KATNAL2: variants seen among roughly 807,000 people sequenced by gnomAD.
KATNAL2 encodes katanin catalytic subunit A1 like 2.
KATNAL2 carries 52 observed loss-of-function variants against 76.3 expected under a neutral mutation model. That is an observed-to-expected ratio of 0.68 (90% CI 0.55 to 0.86). KATNAL2 has a LOEUF of 0.86. Among genes scored for constraint, KATNAL2 ranks in the 40% least tolerant of loss-of-function variants. The pLI, the probability that KATNAL2 is intolerant of heterozygous loss-of-function variation, is 0.00. For synonymous variants in KATNAL2, 243 were observed against 244.2 expected, an observed-to-expected ratio of 1.00 and a Z score of 0.05; for missense variants, 660 against 668.9, an observed-to-expected ratio of 0.99 and a Z score of 0.15.
chr18:47,044,733 C>T (rs574244795), intron 3 of KATNAL2, among the ~76,000 whole-genome samples: 80 of 145,230 alleles, frequency 5.5e-4, no homozygotes, highest in African/African-American at 2.0e-3. Context: ...TGCATTCCAA[C>T]CTGGGCAACA....
intron 1 of KATNAL2, among the ~76,000 whole-genome samples, chr18:46,942,084 G>A (rs1341063138): frequency 1.3e-5 from 2 of 152,068 alleles, no homozygotes; most frequent in Admixed American, 6.6e-5. Context: ...AGGTGGAGTA[G>A]GTAATCGAAA....
At chr18:47,056,322 G>T (rs1289110255) in intron 6 of KATNAL2, among the ~76,000 whole-genome samples, 1 of 152,206 alleles carries the variant, frequency 6.6e-6, no homozygotes, top group Non-Finnish European at 1.5e-5. Context: ...TGCTACTGTG[G>T]TCCCAGCCCC....
At chr18:46,927,819 C>T (rs2058775500) in intron 1 of KATNAL2, among the ~76,000 whole-genome samples, 1 of 152,160 alleles carries the variant, frequency 6.6e-6, no homozygotes, top group Admixed American at 6.6e-5. Flanking sequence ...TCTCTTCTCG[C>T]TTCATTTCAT....
At chr18:46,948,489 ATC>A (rs2059449902) in intron 3 of KATNAL2, among the ~76,000 whole-genome samples, 1 of 137,564 alleles carries the variant, frequency 7.3e-6, no homozygotes, top group Non-Finnish European at 1.5e-5. Flanking sequence ...CAATGGTGTG[ATC>A]TTGGCTCACC....
At chr18:46,938,634 C>T (rs2059158272) in intron 1 of KATNAL2, among the ~76,000 whole-genome samples, 1 of 152,138 alleles carries the variant, frequency 6.6e-6, no homozygotes, top group Admixed American at 6.5e-5. Flanking sequence ...ATCTTATCTC[C>T]TTGCTTTCTC....
In KATNAL2 at chr18:46,946,193, T is replaced by C; in HGVS notation, c.-373T>C. The C allele has an allele frequency of 9.8e-7, 1 of 1,025,034 alleles. No homozygotes were observed. Among genetic ancestry groups the C allele is most frequent in the Non-Finnish European group, 1.2e-6 (1 of 851,474 alleles). 63.5% of individuals were successfully genotyped at this position (1,025,034 alleles called of 1,614,324 possible). A position where few individuals can be genotyped will look rare whatever the true frequency, so the allele number is the denominator to read the frequency against. ...GCAAGAGAGACAGAAGGGAAAGACATTGAAGAAACAGACTAGTTAACACAT... is the reference window on the plus strand; with the variant it reads ...GCAAGAGAGACAGAAGGGAAAGACACTGAAGAAACAGACTAGTTAACACAT... On this transcript the variant is annotated 5_prime_UTR_variant, in exon 2 of 18. Coordinates refer to ENST00000683218, the MANE Select transcript of KATNAL2 (RefSeq NM_001387690.1).
At chr18:47,067,168 G>A (rs769271067) in intron 11 of KATNAL2, 49 bp downstream of exon 11, 8 of 917,784 alleles carry the variant, frequency 8.7e-6, no homozygotes, top group Non-Finnish European at 1.4e-5. Flanking sequence ...CTATCCATTG[G>A]ACAAGCTGTA....
intron 3 of KATNAL2, among the ~76,000 whole-genome samples, chr18:47,031,018 C>A (rs1599545183): frequency 3.1e-5 from 1 of 32,152 alleles, no homozygotes; most frequent in East Asian, 1.7e-3. Context: ...CATCTCCCCC[C>A]CCCCCCCCCG....
chr18:47,084,556 A>G lies in KATNAL2; in HGVS notation c.1211+7095A>G, dbSNP rs1331261485. 12 of 602,316 alleles carry G rather than the reference A, an allele frequency of 2.0e-5. No homozygotes were observed. In the East Asian group the frequency reaches 3.4e-4, roughly 17 times the overall value. The allele number at this position is 602,316 out of a possible 1,614,324, so 37.3% of individuals were successfully genotyped here. On this transcript the variant is annotated intron_variant, in intron 15 of 17. Transcript: ENST00000683218. ...AGCAGGGTTGCTCAATGTCTTTAAA[A>G]TACGACTGTGGGCCAGGTGCAGTGG...
At position 46,946,227 on chromosome 18, in the gene KATNAL2, T is replaced by TA. The variant is rs895436293; in HGVS notation, c.-338dup. On this transcript the variant is annotated 5_prime_UTR_variant, in exon 2 of 18. The change creates a premature stop within an existing upstream ORF in the 5' untranslated region. Transcript: ENST00000683218. Reference sequence around the variant, plus strand: ...CAGACTAGTTAACACATGAAAAAAATAGAGCAGAGGAAAACACGTCCATGT... The same window carrying TA: ...CAGACTAGTTAACACATGAAAAAAATAAGAGCAGAGGAAAACACGTCCATGT... 7 of 1,078,888 alleles carry TA rather than the reference T, an allele frequency of 6.5e-6. No individual in the cohort carries two copies. The highest frequency in any genetic ancestry group is 7.9e-6 in the Non-Finnish European group (7 of 881,656). The allele number at this position is 1,078,888 out of a possible 1,614,324, so 66.8% of individuals were successfully genotyped here. A position where few individuals can be genotyped will look rare whatever the true frequency, so the allele number is the denominator to read the frequency against.
At chr18:46,946,769 C>A in intron 2 of KATNAL2, 85 bp from the exon 3 acceptor site, 2 of 1,304,738 alleles carry the variant, frequency 1.5e-6, no homozygotes, top group South Asian at 1.3e-5. Context: ...TCTAGCCAAT[C>A]CGGAAAGGGG....
At chr18:47,040,498 T>G (rs1342600409) in intron 3 of KATNAL2, among the ~76,000 whole-genome samples, 1 of 152,194 alleles carries the variant, frequency 6.6e-6, no homozygotes, top group Non-Finnish European at 1.5e-5. Flanking sequence ...TATTTGGGCT[T>G]TTCAGCAAAT....
intron 6 of KATNAL2, among the ~76,000 whole-genome samples, chr18:47,057,508 C>T (rs1055272650): frequency 6.6e-6 from 1 of 152,126 alleles, no homozygotes; most frequent in South Asian, 2.1e-4. Context: ...ACTCTTGTAA[C>T]CACAGTTACA....
intron 17 of KATNAL2, 91 bp downstream of exon 17, chr18:47,100,447 C>A (rs748197719): frequency 2.0e-6 from 2 of 1,012,676 alleles, no homozygotes; most frequent in Non-Finnish European, 3.0e-6. Flanking sequence ...TTCTTGGTGC[C>A]GCTTTACACT....
rs1307876952 is a variant in KATNAL2 at position 47,035,084 on chromosome 18, G to A, written c.52-11373G>A. 2 of 1,611,140 alleles carry A rather than the reference G, an allele frequency of 1.2e-6. No individual in the cohort carries two copies. Among genetic ancestry groups the A allele is most frequent in the Non-Finnish European group, 1.7e-6 (2 of 1,179,414 alleles). On this transcript the variant is annotated intron_variant, in intron 3 of 17. Transcript: ENST00000683218. ...AAGTCTCTGGCAAAGTCGCCCACGT[G>A]CTGGTGCTTCCGCAGGCGCTTCACC...
chr18:47,034,818 G>A lies in KATNAL2; in HGVS notation c.52-11639G>A, dbSNP rs778714672. The A allele has an allele frequency of 7.4e-6, 12 of 1,611,982 alleles. 1 individual carries two copies. Among genetic ancestry groups the A allele is most frequent in the African/African-American group, 2.7e-5 (2 of 74,854 alleles). ...GGCACTTTCTCTCAGCTCTGGGCTC[G>A]CGACTGTGAGACCTCGGGTGAGGTC... On this transcript the variant is annotated intron_variant, in intron 3 of 17. Transcript: ENST00000683218.
intron 11 of KATNAL2, among the ~76,000 whole-genome samples, chr18:47,068,063 T>G (rs767891539): frequency 6.6e-5 from 10 of 152,348 alleles, no homozygotes; most frequent in Non-Finnish European, 1.3e-4. Flanking sequence ...TTCACAAGCA[T>G]CTTTCATGCC....
At chr18:47,069,443 G>A (rs1437434476) in intron 12 of KATNAL2, 39 bp from the exon 13 acceptor site, 2 of 1,515,248 alleles carry the variant, frequency 1.3e-6, no homozygotes, top group Admixed American at 3.5e-5. Context: ...GGGGGATGGA[G>A]TTGAAATGCC....
chr18:46,954,093 T>TCAGGAAGTC (rs2059649787), intron 3 of KATNAL2, among the ~76,000 whole-genome samples: 1 of 151,822 alleles, frequency 6.6e-6, no homozygotes, highest in African/African-American at 2.4e-5. Flanking sequence ...ATCCCTTTCT[T>TCAGGAAGTC]CAGGTAGTCC....
Sources: allele counts gnomAD v4.1 joint callset (sites outside exome capture counted in the v4.1 genomes callset), GRCh38; gene constraint gnomAD v4.1.1; transcripts MANE v1.5; gene names NCBI Gene and HGNC (gene_info 2026-07-23, HGNC 2026-07-21).